Variants in SYCP1 observed in about 807,000 individuals in gnomAD.
SYCP1 encodes synaptonemal complex protein 1.
In SYCP1, 64 loss-of-function variants were observed where a neutral mutation model predicts 153.1. That is an observed-to-expected ratio of 0.42 (90% confidence interval 0.34 to 0.51). SYCP1 has a LOEUF of 0.51. Among genes scored for constraint, SYCP1 ranks in the 20% least tolerant of loss-of-function variants. The pLI is 0.06. For missense variants in SYCP1, 997 were observed against 1,049.0 expected (o/e 0.95, Z 0.68); for synonymous variants, 384 against 341.8 (o/e 1.12, Z -1.36).
chr1:114,901,964 T>TC (rs1667476969), intron 16 of SYCP1, among the ~76,000 whole-genome samples: 1 of 152,186 alleles, frequency 6.6e-6, no homozygotes, highest in South Asian at 2.1e-4. Context: ...AAGTTGTTCC[T>TC]CCACTAGGGA....
rs147773332 is a variant in SYCP1, at chr1:114,943,779, C to T, written c.1927-560C>T. Among the ~76,000 whole-genome samples the T allele has an allele frequency of 1.0e-3, 155 of 151,766 alleles. 2 individuals carry two copies. The highest frequency in any genetic ancestry group is 3.6e-3 in the African/African-American group (150 of 41,472). On this transcript the variant is annotated intron_variant, in intron 23 of 31. Transcript: ENST00000369522. Reference sequence around the variant, plus strand: ...CATAACCCTCTTCCCAATTCCTGTCCCTGCCGTATAACACCTTGCCAGTAT... The same window carrying T: ...CATAACCCTCTTCCCAATTCCTGTCTCTGCCGTATAACACCTTGCCAGTAT...
chr1:114,884,746 C>A (rs777066699), intron 12 of SYCP1, among the ~76,000 whole-genome samples: 10 of 152,124 alleles, frequency 6.6e-5, no homozygotes, highest in Non-Finnish European at 1.3e-4. Context: ...GAATAATTAT[C>A]ATTATTCTAA....
At chr1:114,975,445 AC>A (rs1382559153) in intron 27 of SYCP1, among the ~76,000 whole-genome samples, 7 of 151,146 alleles carry the variant, frequency 4.6e-5, no homozygotes, top group Non-Finnish European at 1.0e-4. Context: ...TGTATCTAAT[AC>A]TGTCTCCTGT....
At chr1:114,934,543 A>G (rs1474385407) in intron 23 of SYCP1, among the ~76,000 whole-genome samples, 5 of 152,230 alleles carry the variant, frequency 3.3e-5, no homozygotes, top group African/African-American at 4.8e-5. Flanking sequence ...TGACAGGATC[A>G]AATTCACACA....
rs141471826 is a variant in SYCP1 at position 114,885,144 on chromosome 1, A to G, written c.911-391A>G. Among the ~76,000 whole-genome samples, 8 of 152,036 alleles carry G rather than the reference A, an allele frequency of 5.3e-5. No homozygotes were observed. The East Asian group carries it at 1.5e-3, about 29-fold the overall frequency. ...ATGCAGTGTTTAAATATTGTTTTAA[A>G]CCCACTCTTTTTATTCTATGTTTTA... On this transcript the variant is annotated intron_variant, in intron 12 of 31. Transcript: ENST00000369522.
At chr1:114,913,586 A>G (rs1158131262) in intron 19 of SYCP1, among the ~76,000 whole-genome samples, 4 of 152,108 alleles carry the variant, frequency 2.6e-5, no homozygotes, top group Non-Finnish European at 1.5e-5. Flanking sequence ...CAGAGTTTGC[A>G]GGATCACTTC....
intron 27 of SYCP1, among the ~76,000 whole-genome samples, chr1:114,953,909 A>G (rs1671266408): frequency 6.6e-6 from 1 of 152,212 alleles, no homozygotes; most frequent in African/African-American, 2.4e-5. Context: ...GAGTTTTCAA[A>G]TCTATAGCAT....
intron 16 of SYCP1, 183 bp from the exon 17 acceptor site, chr1:114,910,214 T>A: frequency 2.4e-6 from 1 of 421,138 alleles, no homozygotes; most frequent in Non-Finnish European, 4.4e-6. Flanking sequence ...GGGCTGTGTC[T>A]ACTGAATTGT....
intron 27 of SYCP1, among the ~76,000 whole-genome samples, chr1:114,969,351 A>T (rs1570888147): frequency 6.6e-6 from 1 of 152,252 alleles, no homozygotes. Context: ...AGAGGAGGAA[A>T]CTAGAGAGGT....
At chr1:114,979,681 T>A (rs1673028553) in intron 28 of SYCP1, among the ~76,000 whole-genome samples, 1 of 151,786 alleles carries the variant, frequency 6.6e-6, no homozygotes, top group African/African-American at 2.4e-5. Context: ...GATACAGAAA[T>A]GCAATTCTGA....
chr1:114,977,964 T>A (rs1672912644), intron 28 of SYCP1, among the ~76,000 whole-genome samples: 1 of 151,634 alleles, frequency 6.6e-6, no homozygotes, highest in South Asian at 2.1e-4. Flanking sequence ...CAAAATATTT[T>A]CATAAACAAT....
intron 27 of SYCP1, among the ~76,000 whole-genome samples, chr1:114,954,160 C>T (rs1161126745): frequency 6.6e-6 from 1 of 152,104 alleles, no homozygotes; most frequent in Non-Finnish European, 1.5e-5. Flanking sequence ...ATAGAAGATT[C>T]AATCAAACTA....
intron 16 of SYCP1, among the ~76,000 whole-genome samples, chr1:114,906,481 T>C (rs1192313295): frequency 6.6e-6 from 1 of 152,188 alleles, no homozygotes; most frequent in East Asian, 1.9e-4. Flanking sequence ...GAGACCTTTC[T>C]TTTTTGTAAG....
chr1:114,947,958 G>C (rs1233398085), intron 27 of SYCP1, among the ~76,000 whole-genome samples: 1 of 150,212 alleles, frequency 6.7e-6, no homozygotes, highest in East Asian at 2.0e-4. Flanking sequence ...TGCACAACGT[G>C]CAGGTTTGTT....
At chr1:114,887,815 A>G (rs1301039480) in intron 15 of SYCP1, 122 bp downstream of exon 15, 1 of 564,162 alleles carries the variant, frequency 1.8e-6, no homozygotes, top group Non-Finnish European at 2.8e-6. Context: ...TTGCTTGATA[A>G]TATTTTTATT....
At chr1:114,940,159 G>A (rs1670293795) in intron 23 of SYCP1, among the ~76,000 whole-genome samples, 1 of 152,068 alleles carries the variant, frequency 6.6e-6, no homozygotes, top group African/African-American at 2.4e-5. Context: ...TGCAGTGGCT[G>A]TGATCTCGGC....
intron 23 of SYCP1, among the ~76,000 whole-genome samples, chr1:114,929,343 A>G (rs1279320818): frequency 6.6e-6 from 1 of 152,182 alleles, no homozygotes; most frequent in Non-Finnish European, 1.5e-5. Flanking sequence ...ATCTGAACTC[A>G]AGCATATCAA....
At chr1:114,958,603 C>CT (rs1488465473) in intron 27 of SYCP1, among the ~76,000 whole-genome samples, 2 of 151,792 alleles carry the variant, frequency 1.3e-5, no homozygotes, top group Non-Finnish European at 2.9e-5. Context: ...AGTAATTTAT[C>CT]TTTTTATTAT....
intron 30 of SYCP1, among the ~76,000 whole-genome samples, chr1:114,992,682 A>G (rs185802799): frequency 1.3e-5 from 2 of 151,802 alleles, no homozygotes; most frequent in East Asian, 1.9e-4. Flanking sequence ...CTATAAAACT[A>G]TAGACGAAAA....
Sources: allele counts gnomAD v4.1 joint callset (sites outside exome capture counted in the v4.1 genomes callset), GRCh38; gene constraint gnomAD v4.1.1; transcripts MANE v1.5; gene names NCBI Gene and HGNC (gene_info 2026-07-23, HGNC 2026-07-21).